The following CHSY3 variants were observed in gnomAD, a reference collection of about 807,000 sequenced individuals.
The protein encoded by CHSY3 is chondroitin sulfate synthase 3, also known as N-acetylgalactosaminyl-proteoglycan 3-beta-glucuronosyltransferase 3.
In CHSY3, 35 loss-of-function variants were observed where a neutral mutation model predicts 67.2. The observed-to-expected ratio is 0.52, with a 90% CI of 0.40 to 0.69. CHSY3 has a LOEUF of 0.69. Ranked by LOEUF, CHSY3 falls within the 30% of genes least tolerant of loss-of-function variation. CHSY3 has a pLI of 0.00. For missense variants in CHSY3, 1,069 were observed against 1,138.5 expected, an observed-to-expected ratio of 0.94 and a Z score of 0.88; for synonymous variants, 474 against 434.7, an observed-to-expected ratio of 1.09 and a Z score of -1.12.
intron 2 of CHSY3, among the ~76,000 whole-genome samples, chr5:129,985,377 G>C (rs572839563): frequency 2.0e-5 from 3 of 152,118 alleles, no homozygotes; most frequent in South Asian, 2.1e-4. Context: ...TGTTCTTTTG[G>C]TCTGTGTGTC....
At chr5:130,175,336 A>G (rs1447452988) in intron 2 of CHSY3, among the ~76,000 whole-genome samples, 1 of 152,160 alleles carries the variant, frequency 6.6e-6, no homozygotes, top group African/African-American at 2.4e-5. Flanking sequence ...ACTACAAACC[A>G]CTGCTCAAGG....
chr5:129,974,304 A>G (rs186436604), intron 2 of CHSY3, among the ~76,000 whole-genome samples: 19 of 152,204 alleles, frequency 1.2e-4, no homozygotes, highest in African/African-American at 4.6e-4. Context: ...CATAGAAAGG[A>G]TAACTCAACT....
chr5:130,029,909 A>G (rs1322987944), intron 2 of CHSY3, among the ~76,000 whole-genome samples: 2 of 152,110 alleles, frequency 1.3e-5, no homozygotes, highest in East Asian at 1.9e-4. Flanking sequence ...CAACATGTCA[A>G]ATTGTATCTC....
intron 2 of CHSY3, among the ~76,000 whole-genome samples, chr5:130,176,897 G>A (rs1770070721): frequency 6.6e-6 from 1 of 152,110 alleles, no homozygotes; most frequent in East Asian, 1.9e-4. Flanking sequence ...TGTAGGTGAT[G>A]GGTTGATGAG....
intron 2 of CHSY3, among the ~76,000 whole-genome samples, chr5:130,051,685 A>C (rs1765363081): frequency 6.6e-6 from 1 of 152,108 alleles, no homozygotes; most frequent in Non-Finnish European, 1.5e-5. Context: ...TATGGGAAAA[A>C]GATAGAGATA....
At chr5:130,020,441 A>T (rs867135072) in intron 2 of CHSY3, among the ~76,000 whole-genome samples, 3 of 13,196 alleles carry the variant, frequency 2.3e-4, no homozygotes, top group Non-Finnish European at 3.5e-4. Flanking sequence ...ATATATATAT[A>T]TATATATATA....
chr5:130,063,337 T>G (rs1441874070), intron 2 of CHSY3, among the ~76,000 whole-genome samples: 3 of 152,144 alleles, frequency 2.0e-5, no homozygotes, highest in Non-Finnish European at 2.9e-5. Flanking sequence ...TCATTTATAG[T>G]TCTACACTGA....
intron 2 of CHSY3, among the ~76,000 whole-genome samples, chr5:130,157,003 G>C (rs2149726335): frequency 6.6e-6 from 1 of 152,294 alleles, no homozygotes; most frequent in South Asian, 2.1e-4. Context: ...CACTTGGCTG[G>C]TTTGAGGTGA....
chr5:129,959,052 C>G (rs1314877171), intron 2 of CHSY3, among the ~76,000 whole-genome samples: 1 of 152,082 alleles, frequency 6.6e-6, no homozygotes, highest in East Asian at 1.9e-4. Context: ...TCTTGCCCTT[C>G]TGAATCCCAA....
intron 2 of CHSY3, among the ~76,000 whole-genome samples, chr5:130,150,572 A>G (rs1769208287): frequency 6.6e-6 from 1 of 152,154 alleles, no homozygotes; most frequent in Non-Finnish European, 1.5e-5. Flanking sequence ...ATTTGAATAT[A>G]TACTATTGAT....
chr5:129,971,310 T>C (rs957760743), intron 2 of CHSY3, among the ~76,000 whole-genome samples: 11 of 151,862 alleles, frequency 7.2e-5, no homozygotes, highest in Non-Finnish European at 1.5e-4. Context: ...TTAAGACAGA[T>C]GCTGTTTTAA....
chr5:130,015,445 A>G (rs564346756), intron 2 of CHSY3, among the ~76,000 whole-genome samples: 1 of 152,348 alleles, frequency 6.6e-6, no homozygotes, highest in East Asian at 1.9e-4. Context: ...GACACTTCAC[A>G]AAAGAAGACA....
At chr5:130,011,946 C>T (rs960211749) in intron 2 of CHSY3, among the ~76,000 whole-genome samples, 6 of 152,050 alleles carry the variant, frequency 3.9e-5, no homozygotes, top group African/African-American at 1.4e-4. Flanking sequence ...AAAACACTGT[C>T]CAAAGAAATC....
At chr5:130,132,501 T>C (rs1207229357) in intron 2 of CHSY3, among the ~76,000 whole-genome samples, 1 of 152,204 alleles carries the variant, frequency 6.6e-6, no homozygotes, top group Non-Finnish European at 1.5e-5. Flanking sequence ...TAAGTTATTA[T>C]AGAATCACAC....
intron 2 of CHSY3, among the ~76,000 whole-genome samples, chr5:130,174,556 A>T (rs1449547349): frequency 2.0e-5 from 3 of 152,170 alleles, no homozygotes; most frequent in African/African-American, 7.2e-5. Flanking sequence ...AGGCAAATTT[A>T]ATCAAGAGCA....
At chr5:130,105,444 A>T (rs987591719) in intron 2 of CHSY3, among the ~76,000 whole-genome samples, 1 of 151,676 alleles carries the variant, frequency 6.6e-6, no homozygotes, top group South Asian at 2.1e-4. Context: ...ATCCAACTAT[A>T]TAAAAAGATG....
intron 2 of CHSY3, among the ~76,000 whole-genome samples, chr5:129,950,200 T>C (rs1217424105): frequency 6.6e-6 from 1 of 150,712 alleles, no homozygotes; most frequent in East Asian, 1.9e-4. Flanking sequence ...GATGAATAGA[T>C]GCAGGAAAAT....
intron 2 of CHSY3, chr5:130,140,474 A>G: frequency 8.8e-7 from 1 of 1,140,610 alleles, no homozygotes. Context: ...GCTTACTTTA[A>G]TGACTCTCAG....
At chr5:130,066,194 T>C (rs959900030) in intron 2 of CHSY3, among the ~76,000 whole-genome samples, 4 of 152,136 alleles carry the variant, frequency 2.6e-5, no homozygotes, top group Non-Finnish European at 5.9e-5. Flanking sequence ...TCATTTGTCA[T>C]ATTCTAGAGG....
Sources: allele counts gnomAD v4.1 joint callset (sites outside exome capture counted in the v4.1 genomes callset), GRCh38; gene constraint gnomAD v4.1.1; transcripts MANE v1.5; gene names NCBI Gene and HGNC (gene_info 2026-07-23, HGNC 2026-07-21).